ACOX3: variants seen among roughly 807,000 people sequenced by gnomAD.
ACOX3 encodes the protein acyl-CoA oxidase 3, pristanoyl.
ACOX3 carries 73 observed loss-of-function variants against 81.5 expected under a neutral mutation model. The observed-to-expected ratio is 0.90, with a 90% CI of 0.74 to 1.09. The LOEUF is 1.09. Ranked by LOEUF, ACOX3 falls within the 50% of genes least tolerant of loss-of-function variation. The pLI, the probability that ACOX3 is intolerant of heterozygous loss-of-function variation, is 0.00. For synonymous variants in ACOX3, 387 were observed against 375.1 expected (o/e 1.03, Z -0.37); for missense variants, 947 against 928.0 (o/e 1.02, Z -0.27).
rs1048607830 is a variant in ACOX3, at chr4:8,426,348, TG to T, written c.-14-9814del. On this transcript the variant is annotated intron_variant, in intron 1 of 17. Coordinates refer to ENST00000356406, the MANE Select transcript of ACOX3 (RefSeq NM_003501.3). Reference sequence around the variant, plus strand: ...CTGAGTGCAGTTAAAGTGTCTGGAGTGGAGTCTTAGACACATCAAACCCTGG... The same window carrying T: ...CTGAGTGCAGTTAAAGTGTCTGGAGTGAGTCTTAGACACATCAAACCCTGG... Among the ~76,000 whole-genome samples, 109 of 151,740 alleles carry T rather than the reference TG, an allele frequency of 7.2e-4. 1 individual carries two copies. Among genetic ancestry groups the T allele is most frequent in the African/African-American group, 2.5e-3 (105 of 41,238 alleles).
intron 16 of ACOX3, among the ~76,000 whole-genome samples, chr4:8,371,491 A>G (rs902111656): frequency 6.6e-6 from 1 of 152,256 alleles, no homozygotes; most frequent in Non-Finnish European, 1.5e-5. Context: ...AATATGACAC[A>G]TGAAATTTAT....
At chr4:8,362,953 A>C (rs1295743468), downstream of ACOX3, among the ~76,000 whole-genome samples, 2 of 152,252 alleles carry the variant, frequency 1.3e-5, no homozygotes, top group Non-Finnish European at 2.9e-5. Context: ...AGTCTTACCA[A>C]GATTTGTTTT....
In ACOX3 at chr4:8,399,680, A is replaced by G. The variant is rs551902201; in HGVS notation, c.777-28T>C. The stretch of plus-strand genomic sequence containing the variant: ...GTGGGGAAGCAGCAGGGCTTCTGTT[A>G]AACAGGGGTCCTGCCCTGAGGCTCT... On this transcript the variant is annotated intron_variant, in intron 7 of 17. Coordinates refer to ENST00000356406, the MANE Select transcript of ACOX3 (RefSeq NM_003501.3). This position sits in a 1 kb window ranked among gnomAD's most constrained non-coding sequence, Gnocchi z 4.9. 7.5e-6 allele frequency: 12 copies of G among 1,592,306 alleles called. No individual in the cohort carries two copies. In the East Asian group the frequency reaches 2.0e-4, roughly 27 times the overall value.
rs1722657540 is a variant in ACOX3 at position 8,419,160 on chromosome 4, GC to G, written c.-14-2626del. On this transcript the variant is annotated intron_variant, in intron 1 of 17. Transcript: ENST00000356406. The surrounding 1 kb of genome is among the most constrained non-coding windows in gnomAD (Gnocchi z 4.2). ...TTAAAGAACCAGATAAATAGGCCAG[GC>G]GCAGTGGCTCATGCCTGTAATCCCA... Among the ~76,000 whole-genome samples, 1 of 152,068 alleles carries G rather than the reference GC, an allele frequency of 6.6e-6. No homozygotes were observed. The highest frequency in any genetic ancestry group is 6.6e-5 in the Admixed American group (1 of 15,258).
Position 8,406,086 on chromosome 4 carries a change from TCA to T in ACOX3, c.688-45_688-44del. ...AAGCAGCAAACAGCAACTGTTACAA[TCA>T]CACAAAAATCAAAACAAATGTGTTC... is the stretch of plus-strand genomic sequence containing the variant. On this transcript the variant is annotated intron_variant, in intron 6 of 17. Transcript: ENST00000356406. This position sits in a 1 kb window ranked among gnomAD's most constrained non-coding sequence, Gnocchi z 5.6. 4.4e-6 allele frequency: 7 copies of T among 1,586,258 alleles called. No homozygotes were observed. The highest frequency in any genetic ancestry group is 1.3e-5 in the African/African-American group (1 of 74,366).
intron 15 of ACOX3, 194 bp downstream of exon 15, chr4:8,374,784 G>T: frequency 1.8e-6 from 1 of 563,972 alleles, no homozygotes; most frequent in Non-Finnish European, 2.7e-6. Flanking sequence ...TGGGTTTCTC[G>T]GCACCACCCT....
chr4:8,361,961 GTTA>G (rs1715241419), downstream of ACOX3, among the ~76,000 whole-genome samples: 1 of 152,196 alleles, frequency 6.6e-6, no homozygotes, highest in Non-Finnish European at 1.5e-5. Flanking sequence ...CTTACTGTAT[GTTA>G]TTAATAATTA....
chr4:8,410,166 C>T, intron 6 of ACOX3, 46 bp downstream of exon 6: 1 of 1,587,462 alleles, frequency 6.3e-7, no homozygotes, highest in Non-Finnish European at 8.6e-7. Context: ...CCAGTGCTTC[C>T]TGGGGGTAAA....
At chr4:8,409,672 T>G (rs1721473765) in intron 6 of ACOX3, among the ~76,000 whole-genome samples, 2 of 99,552 alleles carry the variant, frequency 2.0e-5, no homozygotes, top group South Asian at 7.6e-4. Flanking sequence ...CAGGACTGTC[T>G]GCACTGTGGG....
Position 8,398,120 on chromosome 4 carries a change from C to T in ACOX3, c.874-1001G>A, listed in dbSNP as rs370314172. On this transcript the variant is annotated intron_variant, in intron 8 of 17. Coordinates refer to ENST00000356406, the MANE Select transcript of ACOX3 (RefSeq NM_003501.3). ...AGGAGAGGTTGCAGTGAGCTGAGAT[C>T]GTGCTGTTGCACTGCAGCCTGGGTG... 1.1e-3 allele frequency among the ~76,000 whole-genome samples: 173 copies of T among 152,310 alleles called. No individual in the cohort carries two copies. In the Middle Eastern group the frequency reaches 0.014, roughly 12 times the overall value.
chr4:8,392,554 C>G lies in ACOX3; in HGVS notation c.1180-101G>C, dbSNP rs538283492. On this transcript the variant is annotated intron_variant, in intron 10 of 17. Transcript: ENST00000356406. Reference sequence around the variant, plus strand: ...ATCAAACCACCATATCACCTCTAGTCTAATACAAGACATCCCGAAAATGAC... The same window carrying G: ...ATCAAACCACCATATCACCTCTAGTGTAATACAAGACATCCCGAAAATGAC... The G allele has an allele frequency of 1.3e-4, 170 of 1,281,558 alleles. 1 individual carries two copies. In the East Asian group the frequency reaches 4.4e-3, roughly 33 times the overall value. The allele number at this position is 1,281,558 out of a possible 1,614,324, so 79.4% of individuals were successfully genotyped here.
At chr4:8,372,808 A>G (rs1716386808) in intron 16 of ACOX3, among the ~76,000 whole-genome samples, 1 of 152,244 alleles carries the variant, frequency 6.6e-6, no homozygotes, top group Non-Finnish European at 1.5e-5. Context: ...CACTCAGTCC[A>G]GTTCCTAGCA....
chr4:8,409,445 G>A (rs570018219), intron 6 of ACOX3, among the ~76,000 whole-genome samples: 1 of 151,130 alleles, frequency 6.6e-6, no homozygotes, highest in Non-Finnish European at 1.5e-5. Flanking sequence ...AGGGGCTGTG[G>A]GATATACCAT....
intron 6 of ACOX3, among the ~76,000 whole-genome samples, 200 bp downstream of exon 6, chr4:8,410,012 G>A (rs911019702): frequency 6.6e-6 from 1 of 150,974 alleles, no homozygotes; most frequent in African/African-American, 2.4e-5. Flanking sequence ...GGGCAGGGCT[G>A]TGGAATGCAC....
the ACOX3 span, chr4:8,356,226 A>G: frequency 6.4e-6 from 2 of 313,268 alleles, no homozygotes; most frequent in Non-Finnish European, 1.3e-5. Context: ...TCCCACATCC[A>G]ATAGACAGTG....
Position 8,382,990 on chromosome 4 carries a change from C to CAAA in ACOX3, c.1538-1386_1538-1384dup, listed in dbSNP as rs143092717. On this transcript the variant is annotated intron_variant, in intron 13 of 17. Coordinates refer to ENST00000356406, the MANE Select transcript of ACOX3 (RefSeq NM_003501.3). This position sits in a 1 kb window ranked among gnomAD's most constrained non-coding sequence, Gnocchi z 4.1. ...TGGGCGACAGAGCGAGACTCCGTCT[C>CAAA]AAAAAAAAAAAAAAAAGAAAAGAAA... Among the ~76,000 whole-genome samples the CAAA allele has an allele frequency of 5.4e-4, 39 of 71,674 alleles. No homozygotes were observed. Among genetic ancestry groups the CAAA allele is most frequent in the South Asian group, 9.0e-4 (2 of 2,228 alleles). The allele number at this position is 71,674 out of a possible 152,430, so 47.0% of individuals were successfully genotyped here.
At chr4:8,383,898 G>A (rs1034970597) in intron 13 of ACOX3, among the ~76,000 whole-genome samples, 3 of 152,180 alleles carry the variant, frequency 2.0e-5, no homozygotes, top group South Asian at 2.1e-4. Flanking sequence ...TGCTTCCCAC[G>A]ACTTATTTAC....
At chr4:8,369,140 G>C (rs1053372468) in intron 17 of ACOX3, among the ~76,000 whole-genome samples, 4 of 152,144 alleles carry the variant, frequency 2.6e-5, no homozygotes, top group African/African-American at 9.7e-5. Flanking sequence ...TGCAGAGCAA[G>C]GCACAGCAGG....
rs1448909486 is a variant in ACOX3, at chr4:8,431,923, T to C, written c.-15+8725A>G. ...CCCACCCTCCGGTCATTTGTCTCCA[T>C]TTATCCCTTCTGTCTTTCCCACCAC... On this transcript the variant is annotated intron_variant, in intron 1 of 17. Coordinates refer to ENST00000356406, the MANE Select transcript of ACOX3 (RefSeq NM_003501.3). The surrounding 1 kb of genome is among the most constrained non-coding windows in gnomAD (Gnocchi z 5.3). Among the ~76,000 whole-genome samples, 2 of 152,246 alleles carry C rather than the reference T, an allele frequency of 1.3e-5. No homozygotes were observed. Among genetic ancestry groups the C allele is most frequent in the Non-Finnish European group, 2.9e-5 (2 of 68,032 alleles).
Sources: allele counts gnomAD v4.1 joint callset (sites outside exome capture counted in the v4.1 genomes callset), GRCh38; gene constraint gnomAD v4.1.1; non-coding constraint Gnocchi (gnomAD v3.1); transcripts MANE v1.5; gene names NCBI Gene and HGNC (gene_info 2026-07-23, HGNC 2026-07-21).